Variants in CHCHD3 observed in about 807,000 individuals in gnomAD.
CHCHD3 encodes MICOS complex subunit MIC19.
A neutral mutation model predicts 38.2 loss-of-function variants in CHCHD3; 20 were observed. The observed-to-expected ratio is 0.52, with a 90% CI of 0.37 to 0.76. The LOEUF (loss-of-function observed/expected upper bound fraction) is 0.76, where lower values mean the gene tolerates loss of function less well. Ranked by LOEUF, CHCHD3 falls within the 30% of genes least tolerant of loss-of-function variation. The pLI is 0.00. For synonymous variants in CHCHD3, 82 were observed against 100.0 expected (o/e 0.82, Z 1.07); for missense variants, 245 against 279.2 (o/e 0.88, Z 0.87).
chr7:132,888,803 G>A (rs576957609), intron 4 of CHCHD3, among the ~76,000 whole-genome samples: 9 of 151,972 alleles, frequency 5.9e-5, no homozygotes, highest in South Asian at 2.1e-4. Flanking sequence ...AATATTAAGT[G>A]AGAAAAAAAA....
chr7:133,077,072 G>T (rs1220633111), intron 1 of CHCHD3, among the ~76,000 whole-genome samples: 2 of 152,150 alleles, frequency 1.3e-5, no homozygotes, highest in East Asian at 3.8e-4. Flanking sequence ...TTAAGAGAAA[G>T]GGGGAGAGGG....
intron 3 of CHCHD3, among the ~76,000 whole-genome samples, chr7:133,001,763 G>A (rs1030716697): frequency 3.3e-5 from 5 of 152,284 alleles, no homozygotes; most frequent in African/African-American, 1.2e-4. Context: ...ATGTAGAAGA[G>A]AGCAGACAGA....
intron 3 of CHCHD3, among the ~76,000 whole-genome samples, chr7:132,991,031 G>T (rs1812268719): frequency 6.7e-6 from 1 of 150,272 alleles, no homozygotes; most frequent in Admixed American, 6.7e-5. Context: ...AAATGTTAAA[G>T]CTTAGCATGC....
At chr7:132,856,317 CA>C (rs1208924406) in intron 5 of CHCHD3, among the ~76,000 whole-genome samples, 1 of 152,154 alleles carries the variant, frequency 6.6e-6, no homozygotes, top group Admixed American at 6.5e-5. Flanking sequence ...CTGAGGTCTA[CA>C]AAAGTCTTTA....
At chr7:133,031,505 T>C (rs1181142647) in intron 2 of CHCHD3, among the ~76,000 whole-genome samples, 2 of 152,156 alleles carry the variant, frequency 1.3e-5, no homozygotes, top group Non-Finnish European at 2.9e-5. Flanking sequence ...CTTCATTTTT[T>C]TTTTGCATAA....
At chr7:133,041,615 G>A (rs193161175) in intron 2 of CHCHD3, among the ~76,000 whole-genome samples, 1 of 152,046 alleles carries the variant, frequency 6.6e-6, no homozygotes, top group East Asian at 1.9e-4. Context: ...TAGCAGCAAG[G>A]GTCCAGTACA....
chr7:132,880,760 G>T (rs1365862813), intron 5 of CHCHD3, among the ~76,000 whole-genome samples: 3 of 152,018 alleles, frequency 2.0e-5, no homozygotes, highest in Admixed American at 2.0e-4. Context: ...TCATAAAGAG[G>T]TATAAAGCAT....
chr7:132,991,886 A>G (rs547090770), intron 3 of CHCHD3, among the ~76,000 whole-genome samples: 6 of 152,160 alleles, frequency 3.9e-5, no homozygotes, highest in African/African-American at 1.4e-4. Context: ...ATCTTCCCCT[A>G]CATGGAAGTC....
At chr7:132,908,537 G>A (rs1340675714) in intron 4 of CHCHD3, among the ~76,000 whole-genome samples, 1 of 152,116 alleles carries the variant, frequency 6.6e-6, no homozygotes, top group African/African-American at 2.4e-5. Flanking sequence ...GAGGCCCTTG[G>A]TTTTTAAGGC....
intron 2 of CHCHD3, among the ~76,000 whole-genome samples, chr7:133,048,049 T>C (rs1305712821): frequency 6.6e-6 from 1 of 151,964 alleles, no homozygotes; most frequent in East Asian, 1.9e-4. Flanking sequence ...GATCACGCCA[T>C]TGCACTCCAG....
chr7:133,051,066 C>T (rs985712076), intron 2 of CHCHD3, among the ~76,000 whole-genome samples: 2 of 152,104 alleles, frequency 1.3e-5, no homozygotes, highest in Non-Finnish European at 2.9e-5. Flanking sequence ...TGCAATAAAA[C>T]ACAATATTTC....
intron 1 of CHCHD3, among the ~76,000 whole-genome samples, chr7:133,077,677 A>G (rs916265476): frequency 1.3e-5 from 2 of 152,342 alleles, no homozygotes; most frequent in South Asian, 4.1e-4. Context: ...CAAAAATCCT[A>G]TCAACCACAT....
intron 4 of CHCHD3, among the ~76,000 whole-genome samples, chr7:132,956,648 T>C (rs1198167305): frequency 6.6e-6 from 1 of 152,208 alleles, no homozygotes; most frequent in Non-Finnish European, 1.5e-5. Context: ...TGCCTCTTTG[T>C]TTCAAGTAAG....
chr7:133,079,035 GA>G (rs1442650017), intron 1 of CHCHD3, among the ~76,000 whole-genome samples: 1 of 152,112 alleles, frequency 6.6e-6, no homozygotes, highest in African/African-American at 2.4e-5. Context: ...TTAAAGCCAA[GA>G]AAAATATAAA....
At chr7:132,824,945 A>G (rs1475375863) in intron 6 of CHCHD3, among the ~76,000 whole-genome samples, 1 of 152,210 alleles carries the variant, frequency 6.6e-6, no homozygotes, top group East Asian at 1.9e-4. Flanking sequence ...AGCATTTAAC[A>G]TGTTTTGGTC....
At chr7:132,898,267 TCTC>T (rs1466847918) in intron 4 of CHCHD3, among the ~76,000 whole-genome samples, 1 of 152,072 alleles carries the variant, frequency 6.6e-6, no homozygotes, top group African/African-American at 2.4e-5. Flanking sequence ...GCTTTTATAT[TCTC>T]TTTTCTGGCC....
At chr7:132,990,072 C>A (rs1408955994) in intron 3 of CHCHD3, among the ~76,000 whole-genome samples, 2 of 152,178 alleles carry the variant, frequency 1.3e-5, no homozygotes, top group South Asian at 4.2e-4. Context: ...ACTGGAGAGG[C>A]TGAGGCAGAA....
intron 5 of CHCHD3, among the ~76,000 whole-genome samples, chr7:132,863,572 C>T (rs1808544394): frequency 6.6e-6 from 1 of 152,200 alleles, no homozygotes; most frequent in African/African-American, 2.4e-5. Context: ...TAACAAGAGT[C>T]AGCCTGTCCT....
At chr7:132,837,679 G>A (rs1338574604) in intron 6 of CHCHD3, among the ~76,000 whole-genome samples, 1 of 152,178 alleles carries the variant, frequency 6.6e-6, no homozygotes, top group Non-Finnish European at 1.5e-5. Context: ...TTCAACTAAA[G>A]CTGTCACAAC....
Sources: allele counts gnomAD v4.1 joint callset (sites outside exome capture counted in the v4.1 genomes callset), GRCh38; gene constraint gnomAD v4.1.1; transcripts MANE v1.5; gene names NCBI Gene and HGNC (gene_info 2026-07-23, HGNC 2026-07-21).